MAML2: variants seen among roughly 807,000 people sequenced by gnomAD.
MAML2 encodes the protein mastermind like transcriptional coactivator 2.
Under a neutral mutation model 96.1 loss-of-function variants are expected in MAML2, and 22 were observed. That is an observed-to-expected ratio of 0.23 (90% CI 0.16 to 0.33). The LOEUF (loss-of-function observed/expected upper bound fraction) is 0.33, where lower values mean the gene tolerates loss of function less well. Among genes scored for constraint, MAML2 ranks in the 10% least tolerant of loss-of-function variants. MAML2 has a pLI of 1.00. For missense variants in MAML2, 1,367 were observed against 1,392.4 expected (o/e 0.98, Z 0.29); for synonymous variants, 561 against 521.3 (o/e 1.08, Z -1.04).
chr11:96,287,202 A>C (rs1274104672), intron 1 of MAML2, among the ~76,000 whole-genome samples: 2 of 152,264 alleles, frequency 1.3e-5, no homozygotes, highest in African/African-American at 4.8e-5. Context: ...TCATGGGAGA[A>C]AGTGAAAAGC....
chr11:96,142,461 T>C (rs979973777), intron 1 of MAML2, among the ~76,000 whole-genome samples: 1 of 152,160 alleles, frequency 6.6e-6, no homozygotes, highest in Non-Finnish European at 1.5e-5. Context: ...AGAGTTAACA[T>C]TGAGAAAATA....
intron 2 of MAML2, among the ~76,000 whole-genome samples, chr11:96,066,034 A>G (rs973539592): frequency 1.3e-5 from 2 of 152,166 alleles, no homozygotes; most frequent in Admixed American, 1.3e-4. Flanking sequence ...AACTCGCTCC[A>G]AGAAAAGTGT....
chr11:96,078,517 T>C (rs1859480728), intron 2 of MAML2, among the ~76,000 whole-genome samples: 1 of 152,220 alleles, frequency 6.6e-6, no homozygotes, highest in South Asian at 2.1e-4. Flanking sequence ...TCAGAGACGG[T>C]TCAGAGAGCA....
At chr11:96,047,013 T>G (rs957680691) in intron 2 of MAML2, among the ~76,000 whole-genome samples, 7 of 152,232 alleles carry the variant, frequency 4.6e-5, no homozygotes, top group Non-Finnish European at 7.3e-5. Flanking sequence ...ATGAGAAGAC[T>G]GTATTTTTAA....
At chr11:96,038,424 G>C (rs1444753100) in intron 2 of MAML2, among the ~76,000 whole-genome samples, 1 of 152,120 alleles carries the variant, frequency 6.6e-6, no homozygotes, top group East Asian at 1.9e-4. Flanking sequence ...GTTGATCTAA[G>C]GAAAAACGCA....
intron 2 of MAML2, among the ~76,000 whole-genome samples, chr11:96,055,107 T>C (rs1462169977): frequency 6.6e-6 from 1 of 152,312 alleles, no homozygotes; most frequent in African/African-American, 2.4e-5. Context: ...AGGATACTGA[T>C]ACATTGAAAC....
At chr11:96,072,089 A>G (rs1208784017) in intron 2 of MAML2, among the ~76,000 whole-genome samples, 2 of 152,092 alleles carry the variant, frequency 1.3e-5, no homozygotes, top group Non-Finnish European at 2.9e-5. Context: ...GCCTTGAAAT[A>G]ATTATTCTTT....
chr11:96,016,169 C>T (rs1247906099), intron 2 of MAML2, among the ~76,000 whole-genome samples: 2 of 146,154 alleles, frequency 1.4e-5, no homozygotes, highest in Admixed American at 1.4e-4. Flanking sequence ...TGTAGATAGA[C>T]TGTTTGGTTC....
chr11:96,291,843 C>T (rs1863216699), intron 1 of MAML2, among the ~76,000 whole-genome samples: 1 of 152,142 alleles, frequency 6.6e-6, no homozygotes, highest in South Asian at 2.1e-4. Context: ...TCACTTGCCT[C>T]CTGGATGTAT....
At chr11:96,275,269 ATTTTTTTT>A (rs56407815) in intron 1 of MAML2, among the ~76,000 whole-genome samples, 2 of 111,740 alleles carry the variant, frequency 1.8e-5, no homozygotes, top group Non-Finnish European at 3.4e-5. Flanking sequence ...ACACTAAGGA[ATTTTTTTT>A]TTTTTTTTTT....
chr11:96,278,827 A>G (rs999722155), intron 1 of MAML2, among the ~76,000 whole-genome samples: 6 of 152,220 alleles, frequency 3.9e-5, no homozygotes, highest in African/African-American at 1.2e-4. Context: ...CAAAGATCAC[A>G]CTGGCAGCTG....
At chr11:96,069,081 A>G (rs1320161689) in intron 2 of MAML2, among the ~76,000 whole-genome samples, 3 of 151,928 alleles carry the variant, frequency 2.0e-5, no homozygotes, top group African/African-American at 7.3e-5. Flanking sequence ...GGCATGTGCC[A>G]CCAGCCCAGC....
chr11:96,030,107 C>T (rs1223575277), intron 2 of MAML2, among the ~76,000 whole-genome samples: 1 of 151,968 alleles, frequency 6.6e-6, no homozygotes, highest in African/African-American at 2.4e-5. Context: ...GTAGCGGACA[C>T]CTGTAATCCC....
intron 2 of MAML2, among the ~76,000 whole-genome samples, chr11:96,047,748 A>G (rs1230861766): frequency 6.6e-6 from 1 of 151,862 alleles, no homozygotes; most frequent in Admixed American, 6.6e-5. Flanking sequence ...GTCTCTACTA[A>G]AAATACAAAA....
chr11:96,137,265 T>C (rs1860651407), intron 1 of MAML2, among the ~76,000 whole-genome samples: 1 of 152,236 alleles, frequency 6.6e-6, no homozygotes. Context: ...TCAAATTACC[T>C]TGCACTTGGT....
At chr11:96,320,561 C>G (rs1394926940) in intron 1 of MAML2, among the ~76,000 whole-genome samples, 1 of 152,202 alleles carries the variant, frequency 6.6e-6, no homozygotes, top group Admixed American at 6.5e-5. Context: ...TGTATTATAT[C>G]TCCCCCTTAC....
intron 1 of MAML2, among the ~76,000 whole-genome samples, chr11:96,302,509 T>C (rs540925028): frequency 6.6e-6 from 1 of 152,140 alleles, no homozygotes; most frequent in Non-Finnish European, 1.5e-5. Context: ...ATCCAAGACA[T>C]ACTAAAGAAA....
intron 1 of MAML2, among the ~76,000 whole-genome samples, chr11:96,191,550 G>A (rs1415131496): frequency 1.3e-5 from 2 of 151,678 alleles, no homozygotes; most frequent in Non-Finnish European, 2.9e-5. Flanking sequence ...TGAGGTGGCT[G>A]GATCACGAGG....
At chr11:96,086,567 G>A (rs909387134) in intron 2 of MAML2, among the ~76,000 whole-genome samples, 6 of 151,990 alleles carry the variant, frequency 3.9e-5, no homozygotes, top group African/African-American at 7.3e-5. Flanking sequence ...GATGAAAATA[G>A]CTCAATTTGA....
Sources: allele counts gnomAD v4.1 joint callset (sites outside exome capture counted in the v4.1 genomes callset), GRCh38; gene constraint gnomAD v4.1.1; transcripts MANE v1.5; gene names NCBI Gene and HGNC (gene_info 2026-07-23, HGNC 2026-07-21).